The following CDH8 variants were observed in gnomAD, a reference collection of about 807,000 sequenced individuals.
CDH8 encodes cadherin-8.
CDH8 carries 17 observed loss-of-function variants against 68.1 expected under a neutral mutation model. The ratio of observed to expected loss-of-function variants is 0.25; its 90% CI spans 0.17 to 0.37. The LOEUF (loss-of-function observed/expected upper bound fraction) is 0.37, where lower values mean the gene tolerates loss of function less well. CDH8 is among the 10% of genes least tolerant of loss of function. The pLI, the probability that CDH8 is intolerant of heterozygous loss-of-function variation, is 1.00. For synonymous variants in CDH8, 372 were observed against 365.1 expected (o/e 1.02, Z -0.21); for missense variants, 763 against 999.3 (o/e 0.76, Z 3.19).
In CDH8 at chr16:61,866,577, T is replaced by C. The variant is rs974798290; in HGVS notation, c.548-9339A>G. Among the ~76,000 whole-genome samples, 5 of 147,672 alleles carry C rather than the reference T, an allele frequency of 3.4e-5. No individual in the cohort carries two copies. In the Admixed American group the frequency reaches 3.5e-4, roughly 10 times the overall value. On this transcript the variant is annotated intron_variant, in intron 3 of 11. Coordinates refer to ENST00000577390, the MANE Select transcript of CDH8 (RefSeq NM_001796.5). ...CATACATAGAATTATATAGTGTGTG[T>C]GTGTATATATATATACACATTATAT...
rs1342737596 is a variant in CDH8 at position 61,655,701 on chromosome 16, C to A, written c.1675G>T (p.Ala559Ser). The stretch of plus-strand genomic sequence containing the variant: ...TGGCGGTTGAATCCATTATGCTTTG[C>A]CAAAATACTGAGGGAATTATCTGAA... ...KNEDNSLSIL[A>S]KHNGFNRQKQ... Residue 559 changes from alanine (A) to serine (S), a missense_variant, in exon 11 of 12, where the codon GCA becomes TCA. Ala to Ser is a moderately conservative substitution (Grantham distance 99, BLOSUM62 1). Transcript: ENST00000577390. 1 of 1,613,582 alleles carries A rather than the reference C, an allele frequency of 6.2e-7. No homozygotes were observed. Among genetic ancestry groups the A allele is most frequent in the South Asian group, 1.1e-5 (1 of 91,024 alleles).
At chr16:61,852,261 T>C (rs568372704) in intron 4 of CDH8, among the ~76,000 whole-genome samples, 122 of 152,188 alleles carry the variant, frequency 8.0e-4, no homozygotes, top group Non-Finnish European at 1.6e-3. Flanking sequence ...ATTTGCAAAA[T>C]GGAGACAGAA....
chr16:62,028,635 C>A (rs768945015), intron 1 of CDH8, among the ~76,000 whole-genome samples: 3 of 151,898 alleles, frequency 2.0e-5, no homozygotes, highest in East Asian at 1.9e-4. Context: ...TAGAACCAGA[C>A]CTTTACTTAG....
At chr16:61,708,621 C>A (rs1008403229) in intron 10 of CDH8, among the ~76,000 whole-genome samples, 1 of 152,184 alleles carries the variant, frequency 6.6e-6, no homozygotes, top group South Asian at 2.1e-4. Flanking sequence ...AAACACAAAT[C>A]TGTTTTATCT....
chr16:61,757,469 T>C (rs1010111319), intron 8 of CDH8, among the ~76,000 whole-genome samples: 4 of 152,218 alleles, frequency 2.6e-5, no homozygotes, highest in Non-Finnish European at 4.4e-5. Flanking sequence ...CTTAATGCTT[T>C]TGTGTGATTC....
At chr16:61,708,099 T>C (rs1014881291) in intron 10 of CDH8, among the ~76,000 whole-genome samples, 1 of 152,162 alleles carries the variant, frequency 6.6e-6, no homozygotes, top group Non-Finnish European at 1.5e-5. Flanking sequence ...ATCTTTAAGA[T>C]AACTAAGCAT....
chr16:61,940,396 A>ATTTTTTTTTTTTTTTTTTTTTTT (rs1597078843), intron 2 of CDH8: 4 of 121,048 alleles, frequency 3.3e-5, no homozygotes, highest in Admixed American at 1.7e-4. Flanking sequence ...GAACTACTTG[A>ATTTTTTTTTTTTTTTTTTTTTTT]TCTTTTTTTT....
At chr16:61,917,825 C>T (rs1346259036) in intron 2 of CDH8, among the ~76,000 whole-genome samples, 1 of 152,144 alleles carries the variant, frequency 6.6e-6, no homozygotes, top group Non-Finnish European at 1.5e-5. Context: ...CCTACATCTA[C>T]AGGAACTGCC....
chr16:61,925,519 A>G (rs1327591113), intron 2 of CDH8, among the ~76,000 whole-genome samples: 2 of 152,192 alleles, frequency 1.3e-5, no homozygotes, highest in Non-Finnish European at 2.9e-5. Context: ...TGTGACTTTG[A>G]TGACTTTAGA....
intron 10 of CDH8, among the ~76,000 whole-genome samples, chr16:61,703,713 G>T (rs1033536839): frequency 8.6e-5 from 13 of 152,040 alleles, no homozygotes; most frequent in East Asian, 1.9e-4. Context: ...TGGTGGCAGC[G>T]CCTGTAGTCC....
intron 3 of CDH8, among the ~76,000 whole-genome samples, chr16:61,900,285 T>C (rs758096724): frequency 9.2e-5 from 14 of 152,192 alleles, no homozygotes; most frequent in Admixed American, 2.0e-4. Flanking sequence ...CAAAGCTATG[T>C]GACTTTACTA....
intron 2 of CDH8, among the ~76,000 whole-genome samples, chr16:61,909,507 C>T (rs996758698): frequency 2.0e-5 from 3 of 152,250 alleles, no homozygotes; most frequent in Non-Finnish European, 2.9e-5. Flanking sequence ...TGATTCTACA[C>T]AGATGAATGG....
intron 10 of CDH8, among the ~76,000 whole-genome samples, chr16:61,699,399 T>C (rs2142845784): frequency 6.6e-6 from 1 of 152,330 alleles, no homozygotes; most frequent in East Asian, 1.9e-4. Flanking sequence ...TTGTTAATGG[T>C]ACTTCATTTA....
chr16:61,770,322 A>G (rs1018590678), intron 8 of CDH8, among the ~76,000 whole-genome samples: 3 of 151,918 alleles, frequency 2.0e-5, no homozygotes, highest in African/African-American at 7.2e-5. Context: ...AATAGAGAGC[A>G]TGAAAGGGCA....
chr16:61,874,190 T>A (rs1043331458), intron 3 of CDH8, among the ~76,000 whole-genome samples: 18 of 152,148 alleles, frequency 1.2e-4, no homozygotes, highest in South Asian at 2.1e-4. Flanking sequence ...CCACAAAAAA[T>A]TTTTTTAAAT....
chr16:61,768,622 A>C (rs966274595), intron 8 of CDH8, among the ~76,000 whole-genome samples: 4 of 151,490 alleles, frequency 2.6e-5, no homozygotes, highest in African/African-American at 9.7e-5. Context: ...TATAATGCCA[A>C]TGTATTTCCT....
At chr16:61,897,372 C>A (rs1297999406) in intron 3 of CDH8, among the ~76,000 whole-genome samples, 1 of 152,112 alleles carries the variant, frequency 6.6e-6, no homozygotes, top group Admixed American at 6.5e-5. Flanking sequence ...CCTGCCTCAG[C>A]CTCCCGAGTA....
chr16:61,877,034 T>G (rs1037252086), intron 3 of CDH8, among the ~76,000 whole-genome samples: 5 of 152,164 alleles, frequency 3.3e-5, no homozygotes, highest in African/African-American at 1.2e-4. Flanking sequence ...ATGCAAACTT[T>G]AAGAAACCTG....
At chr16:61,731,385 G>A (rs529081006) in intron 8 of CDH8, among the ~76,000 whole-genome samples, 1 of 151,742 alleles carries the variant, frequency 6.6e-6, no homozygotes, top group African/African-American at 2.4e-5. Context: ...AGATCATACC[G>A]TGGAACAAAT....
Sources: gnomAD v4.1 joint callset for allele counts (sites outside exome capture counted in the v4.1 genomes callset) on GRCh38, gnomAD v4.1.1 for gene constraint, MANE v1.5 for transcripts, NCBI Gene and HGNC (gene_info 2026-07-23, HGNC 2026-07-21) for gene names.